The following HNRNPR variants were observed in gnomAD, a reference collection of about 807,000 sequenced individuals.
The protein encoded by HNRNPR is heterogeneous nuclear ribonucleoprotein R.
HNRNPR carries 4 observed loss-of-function variants against 70.3 expected under a neutral mutation model. The observed-to-expected ratio is 0.06, with a 90% CI of 0.03 to 0.13. The LOEUF (loss-of-function observed/expected upper bound fraction) is 0.13, where lower values mean the gene tolerates loss of function less well. Among genes scored for constraint, HNRNPR ranks in the 10% least tolerant of loss-of-function variants. HNRNPR has a pLI of 1.00. For synonymous variants in HNRNPR, 241 were observed against 267.6 expected (o/e 0.90, Z 0.97); for missense variants, 423 against 788.5 (o/e 0.54, Z 5.55).
chr1:23,316,045 T>G (rs1645531521), intron 8 of HNRNPR, among the ~76,000 whole-genome samples: 1 of 152,214 alleles, frequency 6.6e-6, no homozygotes, highest in African/African-American at 2.4e-5. Flanking sequence ...GCTTTTAGGT[T>G]ATGGTACATT....
chr1:23,335,980 A>G (rs909766518), intron 4 of HNRNPR, among the ~76,000 whole-genome samples: 20 of 148,354 alleles, frequency 1.3e-4, no homozygotes, highest in South Asian at 1.1e-3. Context: ...AGCCGGGCGT[A>G]GTGGCGGGCG....
chr1:23,336,655 C>T (rs1356675566), intron 4 of HNRNPR, among the ~76,000 whole-genome samples: 3 of 144,844 alleles, frequency 2.1e-5, no homozygotes, highest in Non-Finnish European at 4.5e-5. Flanking sequence ...GAGGCTGAGG[C>T]AGGAGAATCG....
At chr1:23,317,795 T>C (rs1313041472) in intron 8 of HNRNPR, among the ~76,000 whole-genome samples, 1 of 151,434 alleles carries the variant, frequency 6.6e-6, no homozygotes, top group African/African-American at 2.4e-5. Context: ...CAGCCTGCAA[T>C]ATGGTGAAAT....
chr1:23,341,953 G>T (rs77057676), intron 1 of HNRNPR, among the ~76,000 whole-genome samples: 2,719 of 152,186 alleles, frequency 0.018, 26 homozygotes, highest in Non-Finnish European at 0.028. Context: ...AACCATACAA[G>T]GCCAGTCTGT....
Position 23,344,198 on chromosome 1 carries a change from G to C in HNRNPR, c.-10+13C>G, listed in dbSNP as rs1646827008. 6.6e-6 allele frequency: 1 copy of C among 152,156 alleles called. No individual in the cohort carries two copies. The highest frequency in any genetic ancestry group is 2.4e-5 in the African/African-American group (1 of 41,410). The allele number at this position is 152,156 out of a possible 1,614,324, so 9.4% of individuals were successfully genotyped here. On this transcript the variant is annotated intron_variant, in intron 1 of 10. Transcript: ENST00000302271. ...TCCCGGCCCCTCCCCCCACGGGCCGGCGCGAGACTCACCAGGGCAGAGCGG... is the reference window on the plus strand; with the variant it reads ...TCCCGGCCCCTCCCCCCACGGGCCGCCGCGAGACTCACCAGGGCAGAGCGG...
At chr1:23,312,760 G>A (rs582557) in intron 9 of HNRNPR, among the ~76,000 whole-genome samples, 8,815 of 152,034 alleles carry the variant, frequency 0.058, 835 homozygotes, top group African/African-American at 0.2. Flanking sequence ...GTATCCCACC[G>A]ACCAAACATG....
chr1:23,315,925 A>G (rs1645525983), intron 8 of HNRNPR, among the ~76,000 whole-genome samples: 1 of 152,248 alleles, frequency 6.6e-6, no homozygotes, highest in African/African-American at 2.4e-5. Flanking sequence ...AAAATTCAAC[A>G]TGGACTTTTC....
intron 1 of HNRNPR, among the ~76,000 whole-genome samples, chr1:23,343,289 G>A (rs1030272260): frequency 6.6e-6 from 1 of 152,176 alleles, no homozygotes; most frequent in Non-Finnish European, 1.5e-5. Context: ...ACCTCTCTGT[G>A]CAAATTCTTC....
chr1:23,332,163 G>A (rs970736204), intron 5 of HNRNPR, among the ~76,000 whole-genome samples: 6 of 152,108 alleles, frequency 3.9e-5, no homozygotes, highest in Non-Finnish European at 8.8e-5. Context: ...GAGGAGAAGA[G>A]AAGGAAGGAA....
chr1:23,322,604 A>T (rs1030980816), intron 6 of HNRNPR, among the ~76,000 whole-genome samples: 4 of 152,364 alleles, frequency 2.6e-5, no homozygotes, highest in African/African-American at 9.6e-5. Flanking sequence ...TATTAAAAAT[A>T]AAATCATCCA....
At chr1:23,327,212 A>G (rs1646023270) in intron 5 of HNRNPR, among the ~76,000 whole-genome samples, 1 of 152,188 alleles carries the variant, frequency 6.6e-6, no homozygotes, top group African/African-American at 2.4e-5. Context: ...TAGCCTATAC[A>G]AACACATGGC....
Position 23,340,909 on chromosome 1 carries a change from T to C in HNRNPR, c.100A>G (p.Ile34Val). The change falls in exon 2 of 11, where the codon ATA becomes GTA. Residue 34 changes from isoleucine to valine, a missense_variant. By Grantham distance (29) the Ile-to-Val change is conservative. This residue lies in a region of HNRNPR where 44 missense variants were observed against 89.0 expected (regional missense o/e 0.49). Coordinates refer to ENST00000302271, the MANE Select transcript of HNRNPR (RefSeq NM_005826.5). ...ACCTTCTGTGGGAGGCCTGCCTCTATCAGTGTCTTGTAGTGTTCTGTGTGA... is the reference window on the plus strand; with the variant it reads ...ACCTTCTGTGGGAGGCCTGCCTCTACCAGTGTCTTGTAGTGTTCTGTGTGA... ...VTHTEHYKTL[I>V]EAGLPQKVAE... The C allele has an allele frequency of 6.2e-7, 1 of 1,613,194 alleles. No homozygotes were observed.
In HNRNPR at chr1:23,318,358, T is replaced by G. The variant is rs771680857; in HGVS notation, c.1017+125A>C. ...TTAACTTTAGTGTTAAAGCCGCTCCTTGCCAAACAGTTGAAGTCTAAAGCT... is the reference window on the plus strand; with the variant it reads ...TTAACTTTAGTGTTAAAGCCGCTCCGTGCCAAACAGTTGAAGTCTAAAGCT... On this transcript the variant is annotated intron_variant, in intron 8 of 10. Coordinates refer to ENST00000302271, the MANE Select transcript of HNRNPR (RefSeq NM_005826.5). The surrounding 1 kb of genome is among the most constrained non-coding windows in gnomAD (Gnocchi z 4.2). The G allele has an allele frequency of 2.6e-6, 2 of 782,100 alleles. No individual in the cohort carries two copies. Among genetic ancestry groups the G allele is most frequent in the Non-Finnish European group, 4.1e-6 (2 of 487,986 alleles). The allele number at this position is 782,100 out of a possible 1,614,324, so 48.4% of individuals were successfully genotyped here.
In HNRNPR at chr1:23,344,046, C is replaced by A. The variant is rs531674569; in HGVS notation, c.-10+165G>T. Among the ~76,000 whole-genome samples the A allele has an allele frequency of 2.0e-3, 301 of 152,194 alleles. 1 individual carries two copies. The highest frequency in any genetic ancestry group is 6.5e-3 in the African/African-American group (271 of 41,554). On this transcript the variant is annotated intron_variant, in intron 1 of 10. Transcript: ENST00000302271. ...AGAAGCGTTTCGGCCGGGCTAGGCC[C>A]ACAGCCGCGCGGGCGGACTAGACCG...
chr1:23,338,313 G>C, intron 3 of HNRNPR, 177 bp downstream of exon 3: 2 of 413,524 alleles, frequency 4.8e-6, no homozygotes, highest in Non-Finnish European at 8.6e-6. Context: ...GAAAACTTTT[G>C]CTTTATACTT....
intron 5 of HNRNPR, among the ~76,000 whole-genome samples, chr1:23,330,353 G>A (rs1646166974): frequency 6.6e-6 from 1 of 152,072 alleles, no homozygotes; most frequent in Non-Finnish European, 1.5e-5. Flanking sequence ...TGGCCAACAT[G>A]GTGAAACCCC....
chr1:23,341,277 G>A (rs1340243499), intron 1 of HNRNPR, among the ~76,000 whole-genome samples: 1 of 152,124 alleles, frequency 6.6e-6, no homozygotes, highest in Non-Finnish European at 1.5e-5. Flanking sequence ...ATTTACTGAA[G>A]GTAGAATTGC....
chr1:23,321,443 C>T, intron 7 of HNRNPR, 85 bp downstream of exon 7: 1 of 1,125,864 alleles, frequency 8.9e-7, no homozygotes, highest in Admixed American at 2.2e-5. Context: ...TAATTTAATA[C>T]ATACAACCCC....
chr1:23,333,718 C>T (rs746461025), intron 4 of HNRNPR, 87 bp from the exon 5 acceptor site: 38 of 709,928 alleles, frequency 5.4e-5, no homozygotes, highest in Non-Finnish European at 7.3e-5. Context: ...AAAAGGACTC[C>T]AACTTCCTAG....
Sources: allele counts gnomAD v4.1 joint callset (sites outside exome capture counted in the v4.1 genomes callset), GRCh38; gene constraint gnomAD v4.1.1; regional missense constraint gnomAD v4.1.1; non-coding constraint Gnocchi (gnomAD v3.1); transcripts MANE v1.5; gene names NCBI Gene and HGNC (gene_info 2026-07-23, HGNC 2026-07-21).